Variants in PHTF1 observed in about 807,000 individuals in gnomAD.
The protein encoded by PHTF1 is putative homeodomain transcription factor 1, also known as protein PHTF1.
A neutral mutation model predicts 102.4 loss-of-function variants in PHTF1; 88 were observed. The observed-to-expected ratio is 0.86, with a 90% CI of 0.72 to 1.03. The LOEUF (loss-of-function observed/expected upper bound fraction) is 1.03, where lower values mean the gene tolerates loss of function less well. Among genes scored for constraint, PHTF1 ranks in the 50% least tolerant of loss-of-function variants. PHTF1 has a pLI of 0.00. For missense variants in PHTF1, 814 were observed against 909.5 expected, an observed-to-expected ratio of 0.89 and a Z score of 1.35; for synonymous variants, 289 against 305.2, an observed-to-expected ratio of 0.95 and a Z score of 0.55.
chr1:113,704,811 A>G lies in PHTF1; in HGVS notation c.1672-14T>C. On this transcript the variant is annotated splice_polypyrimidine_tract_variant and intron_variant, in intron 13 of 18. Coordinates refer to ENST00000369604, the MANE Select transcript of PHTF1 (RefSeq NM_001323043.2). ...AAATAAAAATCTCTAGAAGAGATTTAAAAAAAATCACAGTGAAATGTATGT... is the reference window on the plus strand; with the variant it reads ...AAATAAAAATCTCTAGAAGAGATTTGAAAAAAATCACAGTGAAATGTATGT... 1 of 1,536,200 alleles carries G rather than the reference A, an allele frequency of 6.5e-7. No homozygotes were observed. The highest frequency in any genetic ancestry group is 1.4e-5 in the African/African-American group (1 of 72,576).
intron 5 of PHTF1, among the ~76,000 whole-genome samples, chr1:113,731,821 C>T (rs1254184583): frequency 4.0e-5 from 6 of 150,332 alleles, no homozygotes; most frequent in African/African-American, 1.2e-4. Context: ...CACTTGAACC[C>T]GGGTGGCAGA....
chr1:113,706,503 A>G, intron 12 of PHTF1, 91 bp downstream of exon 12: 4 of 942,176 alleles, frequency 4.2e-6, no homozygotes, highest in Non-Finnish European at 6.2e-6. Flanking sequence ...AAGCAGAGTC[A>G]TACTGTTTTA....
chr1:113,705,721 TA>T, intron 13 of PHTF1, 168 bp downstream of exon 13: 1 of 627,016 alleles, frequency 1.6e-6, no homozygotes, highest in Non-Finnish European at 2.8e-6. Flanking sequence ...GTGTAATATG[TA>T]AATAGTCAAT....
At chr1:113,752,558 G>C (rs966874429) in intron 3 of PHTF1, among the ~76,000 whole-genome samples, 2 of 151,446 alleles carry the variant, frequency 1.3e-5, no homozygotes, top group Non-Finnish European at 1.5e-5. Flanking sequence ...GCTAATTTTT[G>C]TATTTTTAGT....
Position 113,697,263 on chromosome 1 carries a change from T to G in PHTF1, c.*442A>C, listed in dbSNP as rs1000763162. The G allele has an allele frequency of 1.3e-5, 2 of 153,592 alleles. No homozygotes were observed. The highest frequency in any genetic ancestry group is 4.8e-5 in the African/African-American group (2 of 41,438). The allele number at this position is 153,592 out of a possible 1,614,324, so 9.5% of individuals were successfully genotyped here. A position where few individuals can be genotyped will look rare whatever the true frequency, so the allele number is the denominator to read the frequency against. On this transcript the variant is annotated 3_prime_UTR_variant, in exon 19 of 19. Transcript: ENST00000369604. Reference sequence around the variant, plus strand: ...CCTAAAATAGTTCGCTTGATCTCTCTTTGATAGAGAAATGAAATCTCCAGT... The same window carrying G: ...CCTAAAATAGTTCGCTTGATCTCTCGTTGATAGAGAAATGAAATCTCCAGT...
At position 113,723,425 on chromosome 1, in the gene PHTF1, G is replaced by A. The variant is rs570316012; in HGVS notation, c.623+1334C>T. On this transcript the variant is annotated intron_variant, in intron 7 of 18. Transcript: ENST00000369604. ...ACTCCTGACCTCAAATGATCCCCCC[G>A]CCTCAGCCTCCCAAAGTGCTGGGAT... 5.9e-5 allele frequency among the ~76,000 whole-genome samples: 9 copies of A among 152,134 alleles called. 1 individual carries two copies. In the South Asian group the frequency reaches 1.2e-3, roughly 21 times the overall value.
intron 5 of PHTF1, among the ~76,000 whole-genome samples, chr1:113,734,078 G>C (rs1655107432): frequency 6.6e-6 from 1 of 152,132 alleles, no homozygotes; most frequent in South Asian, 2.1e-4. Context: ...TGGTCAACAT[G>C]ATGAAACCCT....
intron 10 of PHTF1, among the ~76,000 whole-genome samples, chr1:113,710,817 T>A (rs867256240): frequency 0.012 from 1,816 of 145,610 alleles, 44 homozygotes; most frequent in African/African-American, 0.043. Context: ...TATATTTTTT[T>A]TTTTTTTTTG....
chr1:113,745,400 G>A (rs1348359743), intron 3 of PHTF1, among the ~76,000 whole-genome samples: 1 of 152,142 alleles, frequency 6.6e-6, no homozygotes, highest in African/African-American at 2.4e-5. Context: ...CAGTTAGAAA[G>A]TTAAAAAACC....
chr1:113,750,113 G>C (rs1657826013), intron 3 of PHTF1, among the ~76,000 whole-genome samples: 1 of 151,876 alleles, frequency 6.6e-6, no homozygotes, highest in Admixed American at 6.6e-5. Context: ...CCCCCAACCA[G>C]CTTCCCCAGT....
At chr1:113,749,843 T>C (rs957349968) in intron 3 of PHTF1, among the ~76,000 whole-genome samples, 4 of 152,192 alleles carry the variant, frequency 2.6e-5, no homozygotes, top group Non-Finnish European at 4.4e-5. Context: ...ACCTTCGAAA[T>C]TGTATTGATA....
intron 15 of PHTF1, among the ~76,000 whole-genome samples, chr1:113,702,392 AG>A: frequency 6.6e-6 from 1 of 152,092 alleles, no homozygotes; most frequent in African/African-American, 2.4e-5. Flanking sequence ...TTGTGGTTAC[AG>A]TAATAACATT....
In PHTF1 at chr1:113,712,014, C is replaced by G. The variant is rs374570564; in HGVS notation, c.883G>C (p.Glu295Gln). Residue 295 changes from glutamate (E) to glutamine (Q), a missense_variant, in exon 9 of 19, where the codon GAA (glutamate) becomes CAA (glutamine). Coordinates refer to ENST00000369604, the MANE Select transcript of PHTF1 (RefSeq NM_001323043.2). ...TQMILLRRSVEGASSDNGCEV... is the reference protein window; with the variant it reads ...TQMILLRRSVQGASSDNGCEV... ...CAACCATTGTCACTTGAGGCCCCTTCCACACTCCTACGCAATAATATCATC... is the reference window on the plus strand; with the variant it reads ...CAACCATTGTCACTTGAGGCCCCTTGCACACTCCTACGCAATAATATCATC... 5 of 1,614,012 alleles carry G rather than the reference C, an allele frequency of 3.1e-6. No individual in the cohort carries two copies. Among genetic ancestry groups the G allele is most frequent in the Non-Finnish European group, 3.4e-6 (4 of 1,179,870 alleles).
chr1:113,721,957 G>T (rs1396282679), intron 7 of PHTF1, among the ~76,000 whole-genome samples: 1 of 151,722 alleles, frequency 6.6e-6, no homozygotes, highest in East Asian at 2.0e-4. Context: ...GCCTCCCAAA[G>T]TGCTGGGATT....
chr1:113,710,181 T>A, intron 11 of PHTF1, 73 bp downstream of exon 11: 4 of 1,076,324 alleles, frequency 3.7e-6, no homozygotes, highest in Non-Finnish European at 5.7e-6. Context: ...TAAAGTTAAA[T>A]GAGATGACAG....
chr1:113,754,975 C>T (rs1312775664), intron 3 of PHTF1, among the ~76,000 whole-genome samples: 1 of 151,942 alleles, frequency 6.6e-6, no homozygotes, highest in Non-Finnish European at 1.5e-5. Flanking sequence ...TGCTCAGCAC[C>T]CAACAAAATG....
Position 113,757,720 on chromosome 1 carries a change from T to C in PHTF1, c.81A>G (p.Ser27=). 3 of 1,608,854 alleles carry C rather than the reference T, an allele frequency of 1.9e-6. No homozygotes were observed. The highest frequency in any genetic ancestry group is 2.6e-6 in the Non-Finnish European group (3 of 1,175,180). ...TTACCTTAATCTGAGTCTGTTCGAT[T>C]GACTTTTCCCATATCTGCTGATCGT... ...GAYDQQIWEK[S]IEQTQIKGLK... Residue 27 remains serine, a synonymous_variant, in exon 3 of 19, where the codon TCA becomes TCG. Transcript: ENST00000369604.
intron 3 of PHTF1, among the ~76,000 whole-genome samples, chr1:113,739,072 C>G (rs918181229): frequency 6.6e-6 from 1 of 152,068 alleles, no homozygotes; most frequent in African/African-American, 2.4e-5. Flanking sequence ...AGGCTGGTCT[C>G]AAACTCCTGA....
At chr1:113,752,423 G>T (rs1184788600) in intron 3 of PHTF1, among the ~76,000 whole-genome samples, 5 of 111,874 alleles carry the variant, frequency 4.5e-5, no homozygotes, top group East Asian at 2.5e-4. Flanking sequence ...TTTTTGAGAC[G>T]GAGTCTCGTT....
Sources: gnomAD v4.1 joint callset for allele counts (sites outside exome capture counted in the v4.1 genomes callset) on GRCh38, gnomAD v4.1.1 for gene constraint, MANE v1.5 for transcripts, NCBI Gene and HGNC (gene_info 2026-07-23, HGNC 2026-07-21) for gene names.